The following DOCK7 variants were observed in gnomAD, a reference collection of about 807,000 sequenced individuals.
DOCK7 encodes dedicator of cytokinesis protein 7.
DOCK7 carries 138 observed loss-of-function variants against 271.0 expected under a neutral mutation model. That is an observed-to-expected ratio of 0.51 (90% confidence interval 0.44 to 0.59). The LOEUF is 0.59. Among genes scored for constraint, DOCK7 ranks in the 20% least tolerant of loss-of-function variants. DOCK7 has a pLI of 0.00. For missense variants in DOCK7, 2,066 were observed against 2,592.4 expected (o/e 0.80, Z 4.41); for synonymous variants, 823 against 876.1 (o/e 0.94, Z 1.07).
chr1:62,651,878 G>A (rs2149688800), intron 4 of DOCK7, among the ~76,000 whole-genome samples: 1 of 152,002 alleles, frequency 6.6e-6, no homozygotes, highest in African/African-American at 2.4e-5. Flanking sequence ...TTTTTAATTT[G>A]TATCCCCCAC....
At chr1:62,665,857 A>G (rs1325431941) in intron 1 of DOCK7, among the ~76,000 whole-genome samples, 1 of 151,752 alleles carries the variant, frequency 6.6e-6, no homozygotes, top group Non-Finnish European at 1.5e-5. Flanking sequence ...AAACTGCTGT[A>G]TTTCATCAAA....
At chr1:62,511,917 A>AT (rs1644498135) in intron 33 of DOCK7, among the ~76,000 whole-genome samples, 1 of 152,150 alleles carries the variant, frequency 6.6e-6, no homozygotes, top group African/African-American at 2.4e-5. Flanking sequence ...AGACCTAATA[A>AT]GCCAATGTCT....
intron 43 of DOCK7, chr1:62,485,533 T>G (rs890174245): frequency 1.2e-5 from 12 of 985,290 alleles, no homozygotes; most frequent in Non-Finnish European, 1.4e-5. Flanking sequence ...CTTACTGGAC[T>G]TCAATCCAGT....
At position 62,508,693 on chromosome 1, in the gene DOCK7, T is replaced by C. The variant is rs867656482; in HGVS notation, c.4380-635A>G. 7.9e-5 allele frequency among the ~76,000 whole-genome samples: 12 copies of C among 152,296 alleles called. No homozygotes were observed. In the South Asian group the frequency reaches 8.3e-4, roughly 11 times the overall value. On this transcript the variant is annotated intron_variant, in intron 34 of 49. Transcript: ENST00000635253. ...CATATATTAAAAGATCATGTTATAT[T>C]CTGTAAATATATACAATTTTGTCAA...
intron 31 of DOCK7, among the ~76,000 whole-genome samples, chr1:62,514,490 A>G (rs1690755): frequency 0.58 from 87,837 of 151,842 alleles, 26,995 homozygotes; most frequent in East Asian, 0.76. Context: ...AACAGAAATG[A>G]AAAAATAAAA....
At chr1:62,570,791 AAC>A (rs777438662) in intron 18 of DOCK7, among the ~76,000 whole-genome samples, 7 of 152,164 alleles carry the variant, frequency 4.6e-5, no homozygotes, top group Non-Finnish European at 1.0e-4. Context: ...ACCTGACAAA[AAC>A]AAGCAATGGG....
At chr1:62,486,757 G>C (rs1431031705) in intron 43 of DOCK7, 1 of 151,984 alleles carries the variant, frequency 6.6e-6, no homozygotes, top group African/African-American at 2.4e-5. Context: ...TGACAAAAGT[G>C]AATTTCTTTC....
intron 1 of DOCK7, among the ~76,000 whole-genome samples, chr1:62,669,308 G>GT (rs1289442990): frequency 6.6e-6 from 1 of 152,214 alleles, no homozygotes; most frequent in Non-Finnish European, 1.5e-5. Context: ...ATAGTAGCAT[G>GT]TAAGTTGAAA....
At chr1:62,536,304 A>C (rs1450078246) in intron 28 of DOCK7, among the ~76,000 whole-genome samples, 1 of 152,212 alleles carries the variant, frequency 6.6e-6, no homozygotes, top group African/African-American at 2.4e-5. Flanking sequence ...GTTATCTGAA[A>C]GAATCTGAAA....
intron 1 of DOCK7, among the ~76,000 whole-genome samples, chr1:62,671,190 A>C (rs1659956671): frequency 6.6e-6 from 1 of 152,222 alleles, no homozygotes; most frequent in Non-Finnish European, 1.5e-5. Flanking sequence ...TGTAACACTC[A>C]CTGCGAGGGT....
intron 22 of DOCK7, among the ~76,000 whole-genome samples, chr1:62,548,215 CAAAA>C (rs1220668004): frequency 1.5e-5 from 2 of 131,682 alleles, no homozygotes; most frequent in African/African-American, 5.5e-5. Context: ...AAATGTCAGA[CAAAA>C]AAAAAAAGAC....
intron 14 of DOCK7, chr1:62,597,857 G>A (rs1454454093): frequency 2.5e-6 from 4 of 1,601,212 alleles, no homozygotes; most frequent in Non-Finnish European, 8.5e-7. Flanking sequence ...AAGAAGAAAA[G>A]GAACTGAGAA....
At chr1:62,645,390 A>C (rs1656522622) in intron 7 of DOCK7, among the ~76,000 whole-genome samples, 1 of 152,132 alleles carries the variant, frequency 6.6e-6, no homozygotes, top group South Asian at 2.1e-4. Flanking sequence ...CAAGCCTTAA[A>C]AACACTAGGA....
At chr1:62,683,284 T>C (rs1003123200) in intron 1 of DOCK7, among the ~76,000 whole-genome samples, 25 of 152,138 alleles carry the variant, frequency 1.6e-4, no homozygotes, top group African/African-American at 5.6e-4. Context: ...TTCCGCAAGA[T>C]AAAACAGGCA....
At chr1:62,656,488 A>C (rs1180193072) in intron 2 of DOCK7, among the ~76,000 whole-genome samples, 1 of 152,218 alleles carries the variant, frequency 6.6e-6, no homozygotes, top group Non-Finnish European at 1.5e-5. Context: ...AAATGGGAAA[A>C]AATAAAGCAC....
intron 42 of DOCK7, chr1:62,487,663 C>A (rs1420726710): frequency 2.5e-6 from 1 of 394,090 alleles, no homozygotes; most frequent in Non-Finnish European, 4.7e-6. Flanking sequence ...GAGCCAGCAG[C>A]TTGTTCCATT....
At chr1:62,479,793 TC>T in intron 43 of DOCK7, 1 of 249,518 alleles carries the variant, frequency 4.0e-6, no homozygotes, top group South Asian at 4.3e-5. Flanking sequence ...AAGCGATCCT[TC>T]CACCTCAGTC....
intron 14 of DOCK7, among the ~76,000 whole-genome samples, chr1:62,611,674 C>T (rs1220963881): frequency 3.3e-5 from 5 of 152,058 alleles, no homozygotes; most frequent in African/African-American, 4.8e-5. Context: ...CATGTCATAA[C>T]ATCAACAGCA....
chr1:62,455,487 T>TA, intron 49 of DOCK7, 31 bp from the exon 50 acceptor site: 1 of 1,606,590 alleles, frequency 6.2e-7, no homozygotes, highest in Non-Finnish European at 8.5e-7. Flanking sequence ...CATAGTTAGT[T>TA]AAAGAGAACA....
Sources: allele counts gnomAD v4.1 joint callset (sites outside exome capture counted in the v4.1 genomes callset), GRCh38; gene constraint gnomAD v4.1.1; transcripts MANE v1.5; gene names NCBI Gene and HGNC (gene_info 2026-07-23, HGNC 2026-07-21).